Variants in TMEM132B observed in about 807,000 individuals in gnomAD.
The protein encoded by TMEM132B is transmembrane protein 132B.
TMEM132B carries 18 observed loss-of-function variants against 90.8 expected under a neutral mutation model. The observed-to-expected ratio is 0.20, with a 90% CI of 0.14 to 0.29. The LOEUF (loss-of-function observed/expected upper bound fraction) is 0.29. Ranked by LOEUF, TMEM132B falls within the 10% of genes least tolerant of loss-of-function variation. The pLI, the probability that TMEM132B is intolerant of heterozygous loss-of-function variation, is 1.00. For missense variants in TMEM132B, 1,096 were observed against 1,326.8 expected (o/e 0.83, Z 2.70); for synonymous variants, 504 against 523.3 (o/e 0.96, Z 0.50).
chr12:125,435,744 T>G (rs1880680864), intron 3 of TMEM132B, among the ~76,000 whole-genome samples: 1 of 151,304 alleles, frequency 6.6e-6, no homozygotes. Context: ...AATCCCTGAT[T>G]TGGGGGCAGG....
chr12:125,656,805 CT>C lies in TMEM132B; in HGVS notation c.*2097del, dbSNP rs1168362020. The C allele has an allele frequency of 6.6e-6, 1 of 152,170 alleles. No individual in the cohort carries two copies. The highest frequency in any genetic ancestry group is 2.4e-5 in the African/African-American group (1 of 41,436). The allele number at this position is 152,170 out of a possible 1,614,324, so 9.4% of individuals were successfully genotyped here. A position where few individuals can be genotyped will look rare whatever the true frequency, so the allele number is the denominator to read the frequency against. ...CATAGCTATCCAGGTGAGTCGGCTC[CT>C]TCTATGAGGCTTTTCAATCGTCTCT... On this transcript the variant is annotated 3_prime_UTR_variant, in exon 9 of 9. Coordinates refer to ENST00000682704, the MANE Select transcript of TMEM132B (RefSeq NM_001366854.1).
At chr12:125,595,871 CTT>C (rs35903934) in intron 5 of TMEM132B, among the ~76,000 whole-genome samples, 1 of 146,150 alleles carries the variant, frequency 6.8e-6, no homozygotes. Flanking sequence ...CTCAGGGCGG[CTT>C]TTTTTTTTTT....
chr12:125,646,348 A>G (rs1347474849), intron 6 of TMEM132B, among the ~76,000 whole-genome samples: 1 of 152,234 alleles, frequency 6.6e-6, no homozygotes, highest in African/African-American at 2.4e-5. Flanking sequence ...GGACCTGATG[A>G]TGTTGAAATT....
rs59168219 is a variant in TMEM132B, at chr12:125,270,112, TTGTGTGTG to T, written c.68-79310_68-79303del. Among the ~76,000 whole-genome samples the T allele has an allele frequency of 1.2e-3, 179 of 143,246 alleles. 2 individuals carry two copies. Among genetic ancestry groups the T allele is most frequent in the South Asian group, 4.0e-3 (17 of 4,288 alleles). The allele number at this position is 143,246 out of a possible 152,430, so 94.0% of individuals were successfully genotyped here. ...GCTAATGCCACATCTCACATCTTTG[TTGTGTGTG>T]TGTGTGTGTGTGTGTGTGTGTGTGT... On this transcript the variant is annotated intron_variant, in intron 1 of 8. Transcript: ENST00000682704.
At chr12:125,284,771 G>A (rs1430096904) in intron 1 of TMEM132B, among the ~76,000 whole-genome samples, 1 of 151,986 alleles carries the variant, frequency 6.6e-6, no homozygotes, top group Non-Finnish European at 1.5e-5. Flanking sequence ...ATTGGCCAAT[G>A]TAGCTAAAAT....
At chr12:125,399,091 T>G (rs1427946516) in intron 2 of TMEM132B, among the ~76,000 whole-genome samples, 1 of 152,176 alleles carries the variant, frequency 6.6e-6, no homozygotes, top group African/African-American at 2.4e-5. Flanking sequence ...GCCTGTTTCT[T>G]CAAAGCCACC....
chr12:125,205,295 C>T (rs1355496355), intron 1 of TMEM132B, among the ~76,000 whole-genome samples: 1 of 146,538 alleles, frequency 6.8e-6, no homozygotes, highest in Non-Finnish European at 1.5e-5. Context: ...TTGGTGAGGG[C>T]TCCATGTACC....
chr12:125,609,214 G>T (rs550412784), intron 5 of TMEM132B, among the ~76,000 whole-genome samples: 2 of 152,154 alleles, frequency 1.3e-5, no homozygotes, highest in Non-Finnish European at 2.9e-5. Flanking sequence ...TGATATTTGG[G>T]TGGGGACAGA....
At chr12:125,536,586 G>A (rs1883803594) in intron 4 of TMEM132B, among the ~76,000 whole-genome samples, 1 of 152,198 alleles carries the variant, frequency 6.6e-6, no homozygotes, top group Non-Finnish European at 1.5e-5. Flanking sequence ...GTTAATATAA[G>A]TAAGTGCTTA....
chr12:125,202,672 G>A (rs1245546555), intron 1 of TMEM132B, among the ~76,000 whole-genome samples: 1 of 152,188 alleles, frequency 6.6e-6, no homozygotes, highest in Non-Finnish European at 1.5e-5. Flanking sequence ...TCAATGTTGA[G>A]CCATTCTATC....
At chr12:125,235,445 T>TC (rs1205425618) in intron 1 of TMEM132B, among the ~76,000 whole-genome samples, 1 of 152,094 alleles carries the variant, frequency 6.6e-6, no homozygotes, top group Admixed American at 6.5e-5. Flanking sequence ...TGCTGGATTT[T>TC]TTTTTTTTTT....
intron 1 of TMEM132B, among the ~76,000 whole-genome samples, chr12:125,332,869 A>C (rs1016180740): frequency 1.3e-5 from 2 of 151,744 alleles, no homozygotes; most frequent in Admixed American, 6.5e-5. Flanking sequence ...AAAAACCAAA[A>C]ACAAGAAAGA....
intron 1 of TMEM132B, among the ~76,000 whole-genome samples, chr12:125,283,957 G>C (rs563374376): frequency 1.3e-5 from 2 of 152,320 alleles, no homozygotes; most frequent in East Asian, 3.9e-4. Flanking sequence ...CTCCAAGTGA[G>C]TCAGTAGCCA....
intron 4 of TMEM132B, among the ~76,000 whole-genome samples, chr12:125,531,818 A>G (rs1387090531): frequency 6.6e-6 from 1 of 152,244 alleles, no homozygotes; most frequent in East Asian, 1.9e-4. Flanking sequence ...ACAAATGGCC[A>G]CAAGTAACCG....
intron 2 of TMEM132B, among the ~76,000 whole-genome samples, chr12:125,365,246 C>A (rs1251413472): frequency 3.3e-5 from 5 of 151,918 alleles, no homozygotes; most frequent in Non-Finnish European, 5.9e-5. Context: ...CAGAAATTAC[C>A]ATATACATGC....
chr12:125,390,996 TA>T (rs1363066904), intron 2 of TMEM132B, among the ~76,000 whole-genome samples: 1 of 152,002 alleles, frequency 6.6e-6, no homozygotes, highest in African/African-American at 2.4e-5. Context: ...ACTAAAGAGT[TA>T]TTTTTTTTTC....
chr12:125,445,851 T>G lies in TMEM132B; in HGVS notation c.1106+30174T>G, dbSNP rs1880993470. On this transcript the variant is annotated intron_variant, in intron 3 of 8. Coordinates refer to ENST00000682704, the MANE Select transcript of TMEM132B (RefSeq NM_001366854.1). This position sits in a 1 kb window ranked among gnomAD's most constrained non-coding sequence, Gnocchi z 4.3. The stretch of plus-strand genomic sequence containing the variant: ...ATGTGCTACCCTCCTGGGGAGTGGC[T>G]CTCAACACTGTGACTCACCCCTGCC... 6.6e-6 allele frequency among the ~76,000 whole-genome samples: 1 copy of G among 152,138 alleles called. No homozygotes were observed. The highest frequency in any genetic ancestry group is 1.5e-5 in the Non-Finnish European group (1 of 68,014).
chr12:125,481,114 G>A lies in TMEM132B; in HGVS notation c.1107-38325G>A, dbSNP rs1475206573. ...GTATTGATGGAACGTATCTCAAAAT[G>A]ATAAGAGCTATTTATGACAAACCCA... On this transcript the variant is annotated intron_variant, in intron 3 of 8. Transcript: ENST00000682704. Among the ~76,000 whole-genome samples the A allele has an allele frequency of 2.6e-5, 4 of 152,244 alleles. No homozygotes were observed. In the South Asian group the frequency reaches 8.3e-4, roughly 32 times the overall value.
chr12:125,425,812 A>T (rs1210681837), intron 3 of TMEM132B, among the ~76,000 whole-genome samples: 3 of 152,168 alleles, frequency 2.0e-5, no homozygotes, highest in African/African-American at 7.2e-5. Flanking sequence ...ATGACATTCC[A>T]TTGCCTGGAT....
Sources: allele counts gnomAD v4.1 joint callset (sites outside exome capture counted in the v4.1 genomes callset), GRCh38; gene constraint gnomAD v4.1.1; non-coding constraint Gnocchi (gnomAD v3.1); transcripts MANE v1.5; gene names NCBI Gene and HGNC (gene_info 2026-07-23, HGNC 2026-07-21).